MYH6: variants seen among roughly 807,000 people sequenced by gnomAD.
MYH6 encodes the protein myosin heavy chain 6.
In MYH6, 126 loss-of-function variants were observed where a neutral mutation model predicts 223.2. That is an observed-to-expected ratio of 0.56 (90% CI 0.49 to 0.65). MYH6 has a LOEUF of 0.65. Ranked by LOEUF, MYH6 falls within the 30% of genes least tolerant of loss-of-function variation. MYH6 has a pLI of 0.00. For missense variants in MYH6, 2,040 were observed against 2,536.4 expected (o/e 0.80, Z 4.20); for synonymous variants, 978 against 1,010.2 (o/e 0.97, Z 0.61).
Position 23,390,443 on chromosome 14 carries a change from G to C in MYH6, c.3346C>G (p.Arg1116Gly). The change falls in exon 26 of 39, where the codon CGC becomes GGC. Residue 1116 changes from arginine to glycine, a missense_variant. Physicochemically the swap from Arg to Gly is moderately radical, Grantham distance 125. Around this residue, in one of 4 missense-constraint regions of MYH6, gnomAD observed 1,203 missense variants for 1,400.2 expected, o/e 0.86. Coordinates refer to ENST00000405093, the MANE Select transcript of MYH6 (RefSeq NM_002471.4). Reference sequence around the variant, plus strand: ...AGCTCCTCCTCCAGCTCCTCGATGCGTGCCTGGGTCAGACACAAAGGGCTC... The same window carrying C: ...AGCTCCTCCTCCAGCTCCTCGATGCCTGCCTGGGTCAGACACAAAGGGCTC... The part of the protein sequence containing the change: ...LQKKLKENQA[R>G]IEELEEELEA... 2 of 1,612,756 alleles carry C rather than the reference G, an allele frequency of 1.2e-6. No homozygotes were observed. The highest frequency in any genetic ancestry group is 8.5e-7 in the Non-Finnish European group (1 of 1,179,954).
chr14:23,404,921 C>A, intron 6 of MYH6, 99 bp from the exon 7 acceptor site: 2 of 1,478,722 alleles, frequency 1.4e-6, no homozygotes, highest in Non-Finnish European at 1.9e-6. Context: ...CCATCAGAGC[C>A]CAGCACCCAG....
At chr14:23,404,450 G>A in intron 7 of MYH6, 62 bp from the exon 8 acceptor site, 1 of 1,590,860 alleles carries the variant, frequency 6.3e-7, no homozygotes, top group Non-Finnish European at 8.6e-7. Flanking sequence ...GTGGTGAGAG[G>A]GCAGGGAGGC....
rs369067811 is a variant in MYH6, at chr14:23,402,821, G to A, written c.899-21C>T. 4.4e-6 allele frequency: 7 copies of A among 1,609,008 alleles called. No homozygotes were observed. In the East Asian group the frequency reaches 1.3e-4, roughly 31 times the overall value. On this transcript the variant is annotated intron_variant, in intron 10 of 38. Transcript: ENST00000405093. Reference sequence around the variant, plus strand: ...CATGTCTGCACCAGGCAAGGGGTGAGGCAGGGGCAAGGGGGCAGGCGGAGG... The same window carrying A: ...CATGTCTGCACCAGGCAAGGGGTGAAGCAGGGGCAAGGGGGCAGGCGGAGG...
Position 23,396,956 on chromosome 14 carries a change from T to C in MYH6, c.2168+7A>G. The C allele has an allele frequency of 6.2e-7, 1 of 1,612,470 alleles. No individual in the cohort carries two copies. The highest frequency in any genetic ancestry group is 8.5e-7 in the Non-Finnish European group (1 of 1,179,934). On this transcript the variant is annotated splice_region_variant and intron_variant, in intron 18 of 38. Coordinates refer to ENST00000405093, the MANE Select transcript of MYH6 (RefSeq NM_002471.4). Reference sequence around the variant, plus strand: ...TTCTATGAGCTCTGGGGCACCCTCATACCCACCTCTGCCGGAAGTCCCCGT... The same window carrying C: ...TTCTATGAGCTCTGGGGCACCCTCACACCCACCTCTGCCGGAAGTCCCCGT...
At chr14:23,403,318 C>A (rs745563985) in intron 10 of MYH6, 30 bp downstream of exon 10, 15 of 1,574,026 alleles carry the variant, frequency 9.5e-6, no homozygotes, top group Non-Finnish European at 1.3e-5. Context: ...GCAGGGACAG[C>A]AGTGGGTGGG....
chr14:23,394,323 C>A lies in MYH6; in HGVS notation c.2430G>T (p.Arg810Ser). Residue 810 changes from arginine to serine, a missense_variant and splice_region_variant, in exon 21 of 39, where the codon AGG becomes AGT. Physicochemically the swap from Arg to Ser is moderately radical, Grantham distance 110. Coordinates refer to ENST00000405093, the MANE Select transcript of MYH6 (RefSeq NM_002471.4). The part of the protein sequence containing the change: ...RIEFKKIVER[R>S]DALLVIQWNI... ...TCCACTGGATTACCAGCAGGGCATC[C>A]CTGGCAAGGAAACGTGGAGGCAGGG... 6.2e-7 allele frequency: 1 copy of A among 1,614,146 alleles called. No homozygotes were observed. The highest frequency in any genetic ancestry group is 1.3e-5 in the African/African-American group (1 of 75,040).
intron 8 of MYH6, 108 bp downstream of exon 8, chr14:23,404,188 G>A: frequency 7.6e-7 from 1 of 1,322,834 alleles, no homozygotes; most frequent in East Asian, 2.3e-5. Flanking sequence ...TGTGCATGTT[G>A]ATATCCCAAA....
Position 23,397,156 on chromosome 14 carries a change from T to A in MYH6, c.2050+14A>T. ...CAGCTGTCCTCCCCAGACTAAGGTC[T>A]TCTCCTGGCTCACCTGGAGCCTTCC... On this transcript the variant is annotated intron_variant, in intron 17 of 38. Coordinates refer to ENST00000405093, the MANE Select transcript of MYH6 (RefSeq NM_002471.4). 1 of 1,614,220 alleles carries A rather than the reference T, an allele frequency of 6.2e-7. No homozygotes were observed. Among genetic ancestry groups the A allele is most frequent in the Non-Finnish European group, 8.5e-7 (1 of 1,180,024 alleles).
chr14:23,402,417 G>A, intron 12 of MYH6, 47 bp downstream of exon 12: 1 of 1,609,732 alleles, frequency 6.2e-7, no homozygotes, highest in Middle Eastern at 2.1e-4. Context: ...CAGAGAGCCT[G>A]GTCAGCACCT....
At chr14:23,389,364 G>T in intron 28 of MYH6, 29 bp downstream of exon 28, 1 of 1,608,834 alleles carries the variant, frequency 6.2e-7, no homozygotes, top group South Asian at 1.1e-5. Context: ...CTGCCATCAA[G>T]CCTGCCCACC....
chr14:23,387,673 AAAGCTCAAAGCCTATGTTCCCCCT>A lies in MYH6; in HGVS notation c.4526-44_4526-21del. The A allele has an allele frequency of 1.2e-6, 2 of 1,614,100 alleles. No individual in the cohort carries two copies. The highest frequency in any genetic ancestry group is 1.7e-6 in the Non-Finnish European group (2 of 1,180,002). ...TTTCCTCTGGGGACCAGAGGGCCAG[AAAGCTCAAAGCCTATGTTCCCCCT>A]GCCCCTGCATGGCCCTCCCTCCCAC... is the stretch of plus-strand genomic sequence containing the variant. On this transcript the variant is annotated intron_variant, in intron 31 of 38. Coordinates refer to ENST00000405093, the MANE Select transcript of MYH6 (RefSeq NM_002471.4).
intron 7 of MYH6, 96 bp from the exon 8 acceptor site, chr14:23,404,484 G>A (rs1029834031): frequency 4.8e-6 from 7 of 1,453,512 alleles, no homozygotes; most frequent in African/African-American, 2.8e-5. Flanking sequence ...AGGAATGGGG[G>A]TGCGGGGCTG....
intron 36 of MYH6, 118 bp from the exon 37 acceptor site, chr14:23,383,438 C>G: frequency 1.2e-6 from 1 of 808,660 alleles, no homozygotes; most frequent in Non-Finnish European, 2.0e-6. Context: ...TGCAATGATC[C>G]AGGTCAAAGA....
rs1245919362 is a variant in MYH6 at position 23,402,684 on chromosome 14, C to T, written c.1002+13G>A. 1.9e-6 allele frequency: 3 copies of T among 1,613,544 alleles called. No homozygotes were observed. Among genetic ancestry groups the T allele is most frequent in the East Asian group, 2.2e-5 (1 of 44,736 alleles). Reference sequence around the variant, plus strand: ...GGGGTCCCTCGAACGGCCGCAGCAGCCCCCTCACTCACATCGGTGGCCATG... The same window carrying T: ...GGGGTCCCTCGAACGGCCGCAGCAGTCCCCTCACTCACATCGGTGGCCATG... On this transcript the variant is annotated intron_variant, in intron 11 of 38. Transcript: ENST00000405093.
chr14:23,385,874 G>A (rs1457358274), intron 34 of MYH6, 54 bp downstream of exon 34: 6 of 1,612,804 alleles, frequency 3.7e-6, no homozygotes, highest in Non-Finnish European at 5.1e-6. Context: ...TTTTCTAGAT[G>A]TCCTGGGCTC....
In MYH6 at chr14:23,388,846, A is replaced by G. The variant is rs773432641; in HGVS notation, c.4175+13T>C. On this transcript the variant is annotated intron_variant, in intron 29 of 38. Transcript: ENST00000405093. The stretch of plus-strand genomic sequence containing the variant: ...TCTCTGAGAGTCAGGTTAAGGGGGT[A>G]TCTGGAGCTCACTTGGCCTCTTCGA... The G allele has an allele frequency of 1.9e-6, 3 of 1,613,798 alleles. No individual in the cohort carries two copies. The highest frequency in any genetic ancestry group is 2.2e-5 in the South Asian group (2 of 91,062).
chr14:23,384,011 A>C (rs1425012133), intron 36 of MYH6, among the ~76,000 whole-genome samples: 1 of 152,098 alleles, frequency 6.6e-6, no homozygotes, highest in Admixed American at 6.6e-5. Context: ...TCAGCTATGC[A>C]AGTGGAGGTT....
At chr14:23,406,955 T>C in intron 3 of MYH6, 68 bp downstream of exon 3, 1 of 1,537,458 alleles carries the variant, frequency 6.5e-7, no homozygotes, top group Admixed American at 1.7e-5. Context: ...CCCCTGCAAG[T>C]GGCTCCACCT....
In MYH6 at chr14:23,405,294, C is replaced by A. The variant is rs199923533; in HGVS notation, c.431G>T (p.Gly144Val). 21 of 1,614,046 alleles carry A rather than the reference C, an allele frequency of 1.3e-5. No homozygotes were observed. The highest frequency in any genetic ancestry group is 1.7e-6 in the Non-Finnish European group (2 of 1,180,028). The change falls in exon 5 of 39, where the codon GGC (glycine) becomes GTC (valine). Residue 144 changes from glycine (G) to valine (V), a missense_variant. Transcript: ENST00000405093. This position sits in a 1 kb window ranked among gnomAD's most constrained non-coding sequence, Gnocchi z 4.7. ...GGGCGGGGCCTCACTCCTCTTCTTGCCCCGGTAGGCGGCCACCACCTCGGC... is the reference window on the plus strand; with the variant it reads ...GGGCGGGGCCTCACTCCTCTTCTTGACCCGGTAGGCGGCCACCACCTCGGC... ...YNAEVVAAYR[G>V]KKRSEAPPHI...
Sources: allele counts gnomAD v4.1 joint callset (sites outside exome capture counted in the v4.1 genomes callset), GRCh38; gene constraint gnomAD v4.1.1; regional missense constraint gnomAD v4.1.1; non-coding constraint Gnocchi (gnomAD v3.1); transcripts MANE v1.5; gene names NCBI Gene and HGNC (gene_info 2026-07-23, HGNC 2026-07-21).